UBAP2L: variants seen among roughly 807,000 people sequenced by gnomAD.
UBAP2L encodes ubiquitin associated protein 2 like, also known as ubiquitin-associated protein 2-like.
Under a neutral mutation model 130.6 loss-of-function variants are expected in UBAP2L, and 12 were observed. That is an observed-to-expected ratio of 0.09 (90% CI 0.06 to 0.15). UBAP2L has a LOEUF of 0.15. Ranked by LOEUF, UBAP2L falls within the 10% of genes least tolerant of loss-of-function variation. The probability of loss-of-function intolerance (pLI) is 1.00; values close to 1 mark genes in which losing one functional copy is unlikely to be tolerated. For missense variants in UBAP2L, 965 were observed against 1,332.5 expected (o/e 0.72, Z 4.29); for synonymous variants, 503 against 524.7 (o/e 0.96, Z 0.57).
intron 24 of UBAP2L, among the ~76,000 whole-genome samples, chr1:154,262,218 C>T (rs907070936): frequency 1.3e-5 from 2 of 152,162 alleles, no homozygotes; most frequent in African/African-American, 4.8e-5. Flanking sequence ...CGTGACCATA[C>T]TTAATAGAGT....
At chr1:154,264,952 C>G (rs902173807) in intron 24 of UBAP2L, among the ~76,000 whole-genome samples, 6 of 152,116 alleles carry the variant, frequency 3.9e-5, no homozygotes, top group Non-Finnish European at 8.8e-5. Context: ...AGATGGGCAC[C>G]TCGGGTTTGA....
At chr1:154,268,017 G>A (rs1173064539) in intron 25 of UBAP2L, among the ~76,000 whole-genome samples, 1 of 149,338 alleles carries the variant, frequency 6.7e-6, no homozygotes, top group African/African-American at 2.5e-5. Context: ...AGCCTCCCAA[G>A]TAGCTGGGAT....
At chr1:154,223,437 AAT>A (rs908756786) in intron 1 of UBAP2L, among the ~76,000 whole-genome samples, 1 of 152,200 alleles carries the variant, frequency 6.6e-6, no homozygotes, top group African/African-American at 2.4e-5. Context: ...TTTAAAACAA[AAT>A]AGTTTTCCTC....
chr1:154,266,016 GACT>G (rs1464881632), intron 24 of UBAP2L, among the ~76,000 whole-genome samples: 1 of 152,124 alleles, frequency 6.6e-6, no homozygotes, highest in Non-Finnish European at 1.5e-5. Flanking sequence ...GATTAAAGTG[GACT>G]GCTCCTCTAG....
At chr1:154,234,514 AG>A in intron 4 of UBAP2L, 76 bp from the exon 5 acceptor site, 2 of 1,501,214 alleles carry the variant, frequency 1.3e-6, no homozygotes, top group Non-Finnish European at 9.2e-7. Flanking sequence ...TAAGTCAATC[AG>A]TCATCCCAGC....
chr1:154,269,303 TGGA>T (rs1684214725), intron 26 of UBAP2L: 1 of 1,344,052 alleles, frequency 7.4e-7, no homozygotes, highest in Non-Finnish European at 1.0e-6. Context: ...CTTCTAATGG[TGGA>T]GTTCTATTGT....
In UBAP2L at chr1:154,270,624, G is replaced by A. The variant is rs2149128900; in HGVS notation, c.*329G>A. The A allele has an allele frequency of 2.1e-6, 3 of 1,409,514 alleles. No homozygotes were observed. The highest frequency in any genetic ancestry group is 2.8e-6 in the Non-Finnish European group (3 of 1,087,326). 87.3% of individuals were successfully genotyped at this position (1,409,514 alleles called of 1,614,324 possible). On this transcript the variant is annotated 3_prime_UTR_variant, in exon 27 of 27. Coordinates refer to ENST00000428931, the MANE Select transcript of UBAP2L (RefSeq NM_014847.4). ...TGGTGGTGTACGGATGAGGCGGGGAGGTGGGACCCCCAAACATATATCAGC... is the reference window on the plus strand; with the variant it reads ...TGGTGGTGTACGGATGAGGCGGGGAAGTGGGACCCCCAAACATATATCAGC...
chr1:154,265,132 A>G (rs1163292500), intron 24 of UBAP2L, among the ~76,000 whole-genome samples: 1 of 152,206 alleles, frequency 6.6e-6, no homozygotes, highest in Non-Finnish European at 1.5e-5. Context: ...TGCCCCTCCC[A>G]GGAACTATCT....
At chr1:154,267,629 T>C (rs2149097924) in intron 25 of UBAP2L, among the ~76,000 whole-genome samples, 1 of 151,310 alleles carries the variant, frequency 6.6e-6, no homozygotes, top group South Asian at 2.1e-4. Flanking sequence ...CTAATTTTTG[T>C]ATTTTTGTTT....
At chr1:154,269,046 A>C (rs1684146149) in intron 26 of UBAP2L, 92 bp downstream of exon 26, 5 of 1,406,730 alleles carry the variant, frequency 3.6e-6, no homozygotes, top group African/African-American at 1.4e-5. Flanking sequence ...CTTCCTCACC[A>C]CCACCTTCAC....
At position 154,225,163 on chromosome 1, in the gene UBAP2L, T is replaced by G. The variant is rs1558111558; in HGVS notation, c.40T>G (p.Trp14Gly). Residue 14 changes from tryptophan to glycine, a missense_variant, in exon 2 of 27, where the codon TGG becomes GGG. Trp to Gly is a radical substitution (Grantham distance 184). This residue lies in a region of UBAP2L where 24 missense variants were observed against 27.7 expected (regional missense o/e 0.87). Transcript: ENST00000428931. Reference protein sequence around the residue: ...SVGTNRARGNWEQPQNQNQTQ... With the variant: ...SVGTNRARGNGEQPQNQNQTQ... ...GGGCACTAACCGAGCCCGGGGAAAC[T>G]GGGAACAACCTCAAAACCAAAACCA... 1 of 1,614,050 alleles carries G rather than the reference T, an allele frequency of 6.2e-7. No homozygotes were observed. The highest frequency in any genetic ancestry group is 8.5e-7 in the Non-Finnish European group (1 of 1,180,032).
At chr1:154,269,908 G>A (rs1433881416) in intron 26 of UBAP2L, among the ~76,000 whole-genome samples, 2 of 152,190 alleles carry the variant, frequency 1.3e-5, no homozygotes, top group Non-Finnish European at 2.9e-5. Context: ...GCAGGGGAGA[G>A]AGGGGGTAGT....
chr1:154,223,523 A>T (rs1418443534), intron 1 of UBAP2L, among the ~76,000 whole-genome samples: 2 of 149,174 alleles, frequency 1.3e-5, no homozygotes, highest in African/African-American at 2.5e-5. Flanking sequence ...TTGGTTAAAC[A>T]TTTTTTTTTT....
intron 9 of UBAP2L, 52 bp from the exon 10 acceptor site, chr1:154,243,165 T>G: frequency 6.6e-7 from 1 of 1,523,030 alleles, no homozygotes; most frequent in South Asian, 1.1e-5. Flanking sequence ...ATGCCAAGTT[T>G]CTGACTGTAG....
intron 24 of UBAP2L, chr1:154,263,481 A>AG: frequency 9.0e-7 from 1 of 1,114,000 alleles, no homozygotes; most frequent in Non-Finnish European, 1.1e-6. Context: ...AGTCTTCAAT[A>AG]AACTGTGGTA....
intron 20 of UBAP2L, 28 bp from the exon 21 acceptor site, chr1:154,258,949 G>C (rs1453873512): frequency 6.2e-7 from 1 of 1,606,500 alleles, no homozygotes; most frequent in Admixed American, 1.7e-5. Context: ...ACCAGTTCCT[G>C]TTATTGCTAT....
chr1:154,265,854 C>T (rs1257432172), intron 24 of UBAP2L, among the ~76,000 whole-genome samples: 2 of 152,182 alleles, frequency 1.3e-5, no homozygotes, highest in Non-Finnish European at 2.9e-5. Context: ...TCCCTCCCCA[C>T]CCCGCTACAC....
intron 20 of UBAP2L, 141 bp downstream of exon 20, chr1:154,257,575 T>A: frequency 2.4e-6 from 2 of 827,008 alleles, no homozygotes; most frequent in Non-Finnish European, 3.8e-6. Context: ...GGAATCCATG[T>A]ATATGAGTTT....
At chr1:154,227,735 A>G (rs569101370) in intron 3 of UBAP2L, among the ~76,000 whole-genome samples, 1 of 150,978 alleles carries the variant, frequency 6.6e-6, no homozygotes, top group Non-Finnish European at 1.5e-5. Context: ...TTTAGTAAAG[A>G]TGGGGTTTCA....
Sources: allele counts gnomAD v4.1 joint callset (sites outside exome capture counted in the v4.1 genomes callset), GRCh38; gene constraint gnomAD v4.1.1; regional missense constraint gnomAD v4.1.1; transcripts MANE v1.5; gene names NCBI Gene and HGNC (gene_info 2026-07-23, HGNC 2026-07-21).